MAL2: variants seen among roughly 807,000 people sequenced by gnomAD.
The protein encoded by MAL2 is protein MAL2.
In MAL2, 17 loss-of-function variants were observed where a neutral mutation model predicts 18.1. The observed-to-expected ratio is 0.94, with a 90% confidence interval of 0.64 to 1.41. The LOEUF is 1.41. MAL2 is among the 40% of genes most tolerant of loss of function. The probability of loss-of-function intolerance (pLI) is 0.00; values close to 1 mark genes in which losing one functional copy is unlikely to be tolerated. For missense variants in MAL2, 222 were observed against 231.9 expected (o/e 0.96, Z 0.28); for synonymous variants, 102 against 102.3 (o/e 1.00, Z 0.02).
chr8:119,217,013 G>A (rs1156667580), intron 1 of MAL2, among the ~76,000 whole-genome samples: 1 of 152,218 alleles, frequency 6.6e-6, no homozygotes, highest in Non-Finnish European at 1.5e-5. Context: ...CCAAACAGGA[G>A]ATGAGTTAAG....
chr8:119,240,092 ACTT>A (rs1283512994), intron 2 of MAL2, 70 bp from the exon 3 acceptor site: 3 of 1,470,716 alleles, frequency 2.0e-6, no homozygotes, highest in Admixed American at 1.9e-5. Flanking sequence ...CTAAACCTAA[ACTT>A]CATTATTTAA....
At chr8:119,210,314 C>T (rs1817250329) in intron 1 of MAL2, among the ~76,000 whole-genome samples, 3 of 151,860 alleles carry the variant, frequency 2.0e-5, no homozygotes, top group Admixed American at 2.0e-4. Context: ...AATCAAATAC[C>T]ATCTCAAGAA....
intron 2 of MAL2, among the ~76,000 whole-genome samples, chr8:119,230,777 T>C (rs1357128991): frequency 6.6e-6 from 1 of 152,232 alleles, no homozygotes; most frequent in Non-Finnish European, 1.5e-5. Context: ...CATTTAGCCA[T>C]TAAAAATGGT....
chr8:119,234,252 G>T (rs183719498), intron 2 of MAL2, among the ~76,000 whole-genome samples: 2,289 of 152,202 alleles, frequency 0.015, 62 homozygotes, highest in African/African-American at 0.053. Context: ...TTTTCAGACC[G>T]GCTTAAAAAA....
At position 119,244,751 on chromosome 8, in the gene MAL2, T is replaced by G. The variant is rs1289328927; in HGVS notation, c.*1263T>G. The stretch of plus-strand genomic sequence containing the variant: ...GTGACAGACAAAATCTGTTTTAAAA[T>G]CATATCCAGCACAAAAACTATTTCT... On this transcript the variant is annotated 3_prime_UTR_variant, in exon 4 of 4. Coordinates refer to ENST00000614891, the MANE Select transcript of MAL2 (RefSeq NM_052886.3). 3 of 152,310 alleles carry G rather than the reference T, an allele frequency of 2.0e-5. No homozygotes were observed. Among genetic ancestry groups the G allele is most frequent in the Non-Finnish European group, 4.4e-5 (3 of 68,022 alleles). 9.4% of individuals were successfully genotyped at this position (152,310 alleles called of 1,614,324 possible).
Position 119,208,424 on chromosome 8 carries a change from G to C in MAL2, c.-49G>C, listed in dbSNP as rs1817216982. The C allele has an allele frequency of 1.1e-5, 12 of 1,064,882 alleles. No individual in the cohort carries two copies. The highest frequency in any genetic ancestry group is 1.3e-5 in the Non-Finnish European group (11 of 869,518). The allele number at this position is 1,064,882 out of a possible 1,614,324, so 66.0% of individuals were successfully genotyped here. A position where few individuals can be genotyped will look rare whatever the true frequency, so the allele number is the denominator to read the frequency against. The stretch of plus-strand genomic sequence containing the variant: ...CGGCGGCAGGAGCCCGGGAGGCGGA[G>C]GCGGGAGGCGGCGGCGGCGCGCGGA... On this transcript the variant is annotated 5_prime_UTR_variant, in exon 1 of 4. Transcript: ENST00000614891. This position sits in a 1 kb window ranked among gnomAD's most constrained non-coding sequence, Gnocchi z 4.3.
chr8:119,237,049 G>C (rs546056649), intron 2 of MAL2, among the ~76,000 whole-genome samples: 1 of 152,016 alleles, frequency 6.6e-6, no homozygotes, highest in East Asian at 1.9e-4. Context: ...CCGCTAGCAA[G>C]ACTAATAAAG....
chr8:119,227,803 A>G (rs922965197), intron 2 of MAL2, among the ~76,000 whole-genome samples: 1 of 152,144 alleles, frequency 6.6e-6, no homozygotes, highest in South Asian at 2.1e-4. Context: ...AGAGGGATAC[A>G]TGACATCTCC....
rs1434394499 is a variant in MAL2, at chr8:119,222,525, A to AAAAG, written c.303+771_303+772insGAAA. Among the ~76,000 whole-genome samples, 409 of 151,752 alleles carry AAAAG rather than the reference A, an allele frequency of 2.7e-3. 1 individual carries two copies. Among genetic ancestry groups the AAAAG allele is most frequent in the African/African-American group, 9.3e-3 (385 of 41,356 alleles). On this transcript the variant is annotated intron_variant, in intron 2 of 3. Transcript: ENST00000614891. ...GACAGAGCAAGACTCCATCTCAAAA[A>AAAAG]AAAAAAAAAAAAGAATTTGTGACCA...
intron 1 of MAL2, chr8:119,209,167 G>A (rs1208161645): frequency 6.5e-6 from 1 of 153,790 alleles, no homozygotes; most frequent in African/African-American, 2.4e-5. Context: ...GGATTGGAAA[G>A]AGGAGCTGGG....
In MAL2 at chr8:119,239,445, A is replaced by C. The variant is rs534230144; in HGVS notation, c.304-720A>C. The stretch of plus-strand genomic sequence containing the variant: ...ACTGGGTCCCAAAGGACTACAGATC[A>C]TGCTGCTATAAAGACACATGCACAT... On this transcript the variant is annotated intron_variant, in intron 2 of 3. Transcript: ENST00000614891. 5.9e-5 allele frequency among the ~76,000 whole-genome samples: 9 copies of C among 152,210 alleles called. No individual in the cohort carries two copies. The South Asian group carries it at 1.9e-3, about 32-fold the overall frequency.
rs528296795 is a variant in MAL2 at position 119,233,138 on chromosome 8, C to G, written c.304-7027C>G. Reference sequence around the variant, plus strand: ...TTTGAAACCAATGAGAACAAAGACACAGCATACCAGAATCTCTGGGACACA... The same window carrying G: ...TTTGAAACCAATGAGAACAAAGACAGAGCATACCAGAATCTCTGGGACACA... On this transcript the variant is annotated intron_variant, in intron 2 of 3. Coordinates refer to ENST00000614891, the MANE Select transcript of MAL2 (RefSeq NM_052886.3). Among the ~76,000 whole-genome samples, 4 of 152,242 alleles carry G rather than the reference C, an allele frequency of 2.6e-5. No homozygotes were observed. The East Asian group carries it at 7.7e-4, about 29-fold the overall frequency.
At chr8:119,225,146 T>C (rs1817559173) in intron 2 of MAL2, among the ~76,000 whole-genome samples, 1 of 152,104 alleles carries the variant, frequency 6.6e-6, no homozygotes, top group South Asian at 2.1e-4. Context: ...ATACTTTAGG[T>C]TTTAGGGTAC....
chr8:119,215,455 T>C (rs193024456), intron 1 of MAL2: 1 of 152,258 alleles, frequency 6.6e-6, no homozygotes, highest in East Asian at 1.9e-4. Context: ...CCACCCTGGG[T>C]AATGAGCATA....
chr8:119,221,831 A>G lies in MAL2; in HGVS notation c.303+74A>G, dbSNP rs563051068. 4.1e-5 allele frequency: 61 copies of G among 1,492,968 alleles called. No individual in the cohort carries two copies. In the South Asian group the frequency reaches 6.7e-4, roughly 16 times the overall value. The allele number at this position is 1,492,968 out of a possible 1,614,324, so 92.5% of individuals were successfully genotyped here. A position where few individuals can be genotyped will look rare whatever the true frequency, so the allele number is the denominator to read the frequency against. On this transcript the variant is annotated intron_variant, in intron 2 of 3. Transcript: ENST00000614891. ...GTATCCTATTCTGTTCTGAAATGCC[A>G]GAGTCCCAGTTCTGTTGCCCCTAAT...
At chr8:119,227,062 A>G (rs1043369024) in intron 2 of MAL2, among the ~76,000 whole-genome samples, 3 of 152,224 alleles carry the variant, frequency 2.0e-5, no homozygotes, top group Admixed American at 6.5e-5. Context: ...AGTTGGCCCT[A>G]TACTAGGCCC....
chr8:119,209,113 A>G (rs78843830), intron 1 of MAL2: 13,381 of 163,678 alleles, frequency 0.082, 1,723 homozygotes, highest in African/African-American at 0.28. Flanking sequence ...GAGGACTTGA[A>G]CATGCTTTTT....
intron 2 of MAL2, among the ~76,000 whole-genome samples, chr8:119,222,999 T>C (rs1044602532): frequency 6.6e-6 from 1 of 152,166 alleles, no homozygotes; most frequent in Non-Finnish European, 1.5e-5. Flanking sequence ...TTCAGGGAAG[T>C]TCAGGAAGAA....
chr8:119,226,893 TAGC>T (rs1009086780), intron 2 of MAL2, among the ~76,000 whole-genome samples: 3 of 152,196 alleles, frequency 2.0e-5, no homozygotes, highest in African/African-American at 7.2e-5. Context: ...ACCACTGACT[TAGC>T]AGAAATGATC....
Sources: gnomAD v4.1 joint callset for allele counts (sites outside exome capture counted in the v4.1 genomes callset) on GRCh38, gnomAD v4.1.1 for gene constraint, Gnocchi (gnomAD v3.1) non-coding constraint, MANE v1.5 for transcripts, NCBI Gene and HGNC (gene_info 2026-07-23, HGNC 2026-07-21) for gene names.